The following SIM1 variants were observed in gnomAD, a reference collection of about 807,000 sequenced individuals.
SIM1 encodes the protein SIM bHLH transcription factor 1.
Under a neutral mutation model 78.2 loss-of-function variants are expected in SIM1, and 18 were observed. The ratio of observed to expected loss-of-function variants is 0.23; its 90% confidence interval spans 0.16 to 0.34. The LOEUF is 0.34. Among genes scored for constraint, SIM1 ranks in the 10% least tolerant of loss-of-function variants. SIM1 has a pLI of 1.00. For synonymous variants in SIM1, 417 were observed against 385.2 expected, an observed-to-expected ratio of 1.08 and a Z score of -0.97; for missense variants, 939 against 975.1, an observed-to-expected ratio of 0.96 and a Z score of 0.49.
chr6:100,454,586 A>T (rs1225006010), intron 2 of SIM1, among the ~76,000 whole-genome samples: 2 of 151,906 alleles, frequency 1.3e-5, no homozygotes, highest in Admixed American at 6.6e-5. Context: ...ATCTTTTTGT[A>T]ATATTTTCGT....
At chr6:100,401,610 GA>G (rs959317568) in intron 10 of SIM1, among the ~76,000 whole-genome samples, 18 of 151,590 alleles carry the variant, frequency 1.2e-4, no homozygotes, top group East Asian at 7.8e-4. Context: ...AAGGGAAAGA[GA>G]AAAAAAATGA....
At chr6:100,391,707 T>A (rs1377503801) in intron 11 of SIM1, among the ~76,000 whole-genome samples, 2 of 152,220 alleles carry the variant, frequency 1.3e-5, no homozygotes, top group Non-Finnish European at 2.9e-5. Flanking sequence ...AAAATATACA[T>A]CTATTCACAT....
chr6:100,463,078 G>A (rs184448536), intron 2 of SIM1: 1 of 489,104 alleles, frequency 2.0e-6, no homozygotes, highest in Non-Finnish European at 3.6e-6. Flanking sequence ...ATGGACTGAA[G>A]AGAAAGTATT....
intron 2 of SIM1, 58 bp from the exon 3 acceptor site, chr6:100,453,902 G>T: frequency 7.3e-7 from 1 of 1,364,374 alleles, no homozygotes; most frequent in Non-Finnish European, 1.0e-6. Flanking sequence ...AGGCAGTTTG[G>T]GACCAAGTCC....
At chr6:100,431,547 G>A (rs181100685) in intron 9 of SIM1, among the ~76,000 whole-genome samples, 2 of 152,244 alleles carry the variant, frequency 1.3e-5, no homozygotes, top group Admixed American at 1.3e-4. Flanking sequence ...TAAATTGCCT[G>A]GTAGATAAGT....
At chr6:100,431,895 G>T (rs554499690) in intron 9 of SIM1, among the ~76,000 whole-genome samples, 5 of 152,144 alleles carry the variant, frequency 3.3e-5, no homozygotes, top group Non-Finnish European at 7.3e-5. Context: ...ATGAGTGATG[G>T]CTCATTCATT....
At chr6:100,400,815 G>A (rs1021836677) in intron 10 of SIM1, among the ~76,000 whole-genome samples, 18 of 152,104 alleles carry the variant, frequency 1.2e-4, no homozygotes, top group Admixed American at 1.1e-3. Context: ...GATGAATATG[G>A]AGGGAGTAGT....
At chr6:100,445,841 T>A (rs1336343222) in intron 9 of SIM1, among the ~76,000 whole-genome samples, 4 of 152,226 alleles carry the variant, frequency 2.6e-5, no homozygotes, top group Admixed American at 6.5e-5. Flanking sequence ...AATACTACTG[T>A]TTCACGGAGG....
At position 100,393,575 on chromosome 6, in the gene SIM1, T is replaced by C. The variant is rs1182127676; in HGVS notation, c.1482A>G (p.Ala494=). ...GGGAGGCCTTTGTCAGGGGCAAGGC[T>C]GCGCGAGAGCCCCACCAGGGCTCCC... The part of the protein sequence containing the change: ...AGREPWWGSR[A]ALPLTKASPE... Residue 494 remains alanine, a synonymous_variant, in exon 11 of 12, where the codon GCA becomes GCG. Coordinates refer to ENST00000369208, the MANE Select transcript of SIM1 (RefSeq NM_005068.3). The C allele has an allele frequency of 6.2e-7, 1 of 1,613,452 alleles. No individual in the cohort carries two copies.
rs1389767970 is a variant in SIM1, at chr6:100,386,253, A to G, written c.*4108T>C. The G allele has an allele frequency of 5.3e-5, 8 of 152,036 alleles. No homozygotes were observed. Among genetic ancestry groups the G allele is most frequent in the Non-Finnish European group, 1.2e-4 (8 of 67,928 alleles). The allele number at this position is 152,036 out of a possible 1,614,324, so 9.4% of individuals were successfully genotyped here. ...TATCAGAAAGACTGTGTTTGATTGT[A>G]TTAAAGTGTAAGCTATTCCACTAGG... On this transcript the variant is annotated 3_prime_UTR_variant, in exon 12 of 12. Coordinates refer to ENST00000369208, the MANE Select transcript of SIM1 (RefSeq NM_005068.3).
Position 100,453,760 on chromosome 6 carries a change from A to C in SIM1, c.258+2T>G. The C allele has an allele frequency of 6.2e-7, 1 of 1,608,644 alleles. No homozygotes were observed. The highest frequency in any genetic ancestry group is 8.5e-7 in the Non-Finnish European group (1 of 1,176,712). On this transcript the variant is annotated splice_donor_variant, in intron 3 of 11. Coordinates refer to ENST00000369208, the MANE Select transcript of SIM1 (RefSeq NM_005068.3). LOFTEE classifies it high-confidence loss of function. Reference sequence around the variant, plus strand: ...GTGTTGCCGGAAGACCTGCACCTGTACCTGGAGCAGATGGGAGCCCAGTTC... The same window carrying C: ...GTGTTGCCGGAAGACCTGCACCTGTCCCTGGAGCAGATGGGAGCCCAGTTC...
intron 10 of SIM1, among the ~76,000 whole-genome samples, chr6:100,400,460 T>C (rs552107382): frequency 6.6e-6 from 1 of 152,080 alleles, no homozygotes; most frequent in East Asian, 1.9e-4. Context: ...AAAAAATGCT[T>C]CAACCTGAAA....
intron 10 of SIM1, among the ~76,000 whole-genome samples, chr6:100,417,993 T>A (rs970533338): frequency 1.3e-5 from 2 of 152,178 alleles, no homozygotes; most frequent in African/African-American, 4.8e-5. Context: ...ATACACAAAC[T>A]TCAAGATAAA....
intron 9 of SIM1, among the ~76,000 whole-genome samples, chr6:100,423,552 C>G (rs542809438): frequency 1.3e-5 from 2 of 152,326 alleles, no homozygotes; most frequent in African/African-American, 2.4e-5. Context: ...TTATCTTTCT[C>G]AGTGGATTCT....
intron 9 of SIM1, among the ~76,000 whole-genome samples, chr6:100,437,942 C>CTCA (rs1359336369): frequency 6.6e-6 from 1 of 152,114 alleles, no homozygotes; most frequent in Non-Finnish European, 1.5e-5. Flanking sequence ...ATCCCCGTCT[C>CTCA]TCACCTTGTA....
intron 9 of SIM1, among the ~76,000 whole-genome samples, chr6:100,424,678 C>A (rs187076931): frequency 1.3e-5 from 2 of 152,026 alleles, no homozygotes; most frequent in Admixed American, 1.3e-4. Context: ...CAGGCTCAAG[C>A]GATCCTCCTG....
chr6:100,394,588 A>G (rs1343095884), intron 10 of SIM1, among the ~76,000 whole-genome samples: 1 of 152,094 alleles, frequency 6.6e-6, no homozygotes, highest in Non-Finnish European at 1.5e-5. Flanking sequence ...ATTCTTTGGT[A>G]GAGACAGGGT....
At chr6:100,425,179 A>G (rs1771694088) in intron 9 of SIM1, among the ~76,000 whole-genome samples, 1 of 152,148 alleles carries the variant, frequency 6.6e-6, no homozygotes, top group Admixed American at 6.5e-5. Context: ...CCACTGCCAT[A>G]CAAGAAGTTC....
At chr6:100,462,160 G>A (rs545760923) in intron 2 of SIM1, among the ~76,000 whole-genome samples, 4 of 151,868 alleles carry the variant, frequency 2.6e-5, no homozygotes, top group East Asian at 3.9e-4. Context: ...TTCATTTAAC[G>A]GAAAACCACA....
Sources: allele counts gnomAD v4.1 joint callset (sites outside exome capture counted in the v4.1 genomes callset), GRCh38; gene constraint gnomAD v4.1.1; transcripts MANE v1.5; gene names NCBI Gene and HGNC (gene_info 2026-07-23, HGNC 2026-07-21).